THSD4: variants seen among roughly 807,000 people sequenced by gnomAD.
The protein encoded by THSD4 is thrombospondin type 1 domain containing 4, also known as thrombospondin type-1 domain-containing protein 4.
A neutral mutation model predicts 119.0 loss-of-function variants in THSD4; 69 were observed. The observed-to-expected ratio is 0.58, with a 90% CI of 0.48 to 0.71. The LOEUF is 0.71. Ranked by LOEUF, THSD4 falls within the 30% of genes least tolerant of loss-of-function variation. THSD4 has a pLI of 0.00. For missense variants in THSD4, 1,393 were observed against 1,391.1 expected (o/e 1.00, Z -0.02); for synonymous variants, 524 against 540.4 (o/e 0.97, Z 0.42).
intron 7 of THSD4, among the ~76,000 whole-genome samples, chr15:71,471,722 A>G (rs562584370): frequency 2.0e-5 from 3 of 151,430 alleles, no homozygotes; most frequent in South Asian, 2.1e-4. Context: ...TTCCTTATCT[A>G]TCAAGTGGGG....
intron 6 of THSD4, among the ~76,000 whole-genome samples, chr15:71,350,826 G>A (rs2045734464): frequency 1.3e-5 from 2 of 152,158 alleles, no homozygotes; most frequent in Admixed American, 6.5e-5. Flanking sequence ...GTGTGCAAGT[G>A]TATCATTCCA....
intron 6 of THSD4, among the ~76,000 whole-genome samples, chr15:71,342,136 TA>T (rs59764881): frequency 0.093 from 13,817 of 149,288 alleles, 2,085 homozygotes; most frequent in African/African-American, 0.32. Flanking sequence ...CGCTTCTTCA[TA>T]AAAAAAAAAG....
rs145987505 is a variant in THSD4 at position 71,497,574 on chromosome 15, A to C, written c.1152+85751A>C. 5.7e-3 allele frequency among the ~76,000 whole-genome samples: 861 copies of C among 151,948 alleles called. 10 individuals are homozygous for C. Among genetic ancestry groups the C allele is most frequent in the African/African-American group, 0.02 (841 of 41,446 alleles). Reference sequence around the variant, plus strand: ...ATATATATACACATACATATAAATAATATATAAATTTTTAAAATAAATTTA... The same window carrying C: ...ATATATATACACATACATATAAATACTATATAAATTTTTAAAATAAATTTA... On this transcript the variant is annotated intron_variant, in intron 7 of 17. Coordinates refer to ENST00000261862, the MANE Select transcript of THSD4 (RefSeq NM_024817.3).
At position 71,777,491 on chromosome 15, in the gene THSD4, T is replaced by C; in HGVS notation, c.*117T>C. On this transcript the variant is annotated 3_prime_UTR_variant, in exon 18 of 18. Coordinates refer to ENST00000261862, the MANE Select transcript of THSD4 (RefSeq NM_024817.3). ...CCTGGCCCAGGCGCTGCCAACCAAC[T>C]TAGTCACCACCCCTGCCTCCGGTGA... 1 of 1,399,834 alleles carries C rather than the reference T, an allele frequency of 7.1e-7. No individual in the cohort carries two copies. The highest frequency in any genetic ancestry group is 2.5e-5 in the East Asian group (1 of 40,010). 86.7% of individuals were successfully genotyped at this position (1,399,834 alleles called of 1,614,324 possible).
chr15:71,521,188 T>A (rs890693978), intron 7 of THSD4, among the ~76,000 whole-genome samples: 14 of 152,028 alleles, frequency 9.2e-5, no homozygotes, highest in Admixed American at 9.2e-4. Context: ...ACTCAGATAA[T>A]ACTTTCTCTC....
chr15:71,740,823 T>C (rs1282417553), intron 11 of THSD4, among the ~76,000 whole-genome samples: 1 of 152,210 alleles, frequency 6.6e-6, no homozygotes, highest in Non-Finnish European at 1.5e-5. Context: ...CTGCTCGTAC[T>C]CCAAGCTCTG....
intron 7 of THSD4, among the ~76,000 whole-genome samples, chr15:71,511,654 TTTGA>T (rs1195821741): frequency 3.9e-5 from 6 of 152,358 alleles, no homozygotes; most frequent in African/African-American, 1.4e-4. Context: ...TTTAAGTGAC[TTTGA>T]TTAAGTAATC....
intron 10 of THSD4, among the ~76,000 whole-genome samples, chr15:71,734,242 G>A (rs1309370019): frequency 6.6e-6 from 1 of 152,118 alleles, no homozygotes; most frequent in Non-Finnish European, 1.5e-5. Context: ...CCACATAATT[G>A]CCAAAACTTG....
chr15:71,673,909 A>G (rs991509316), intron 8 of THSD4, among the ~76,000 whole-genome samples: 1 of 152,000 alleles, frequency 6.6e-6, no homozygotes, highest in Non-Finnish European at 1.5e-5. Context: ...GGCGCCCACC[A>G]CCACGGCTGG....
At position 71,394,266 on chromosome 15, in the gene THSD4, CTTTTTTTTTTTTT is replaced by C. The variant is rs58372446; in HGVS notation, c.1016-17409_1016-17397del. The stretch of plus-strand genomic sequence containing the variant: ...CACTCTGTTGTCCAAACACATTTGT[CTTTTTTTTTTTTT>C]TTTTTTTTTTTGAGACGGAGTTTTA... On this transcript the variant is annotated intron_variant, in intron 6 of 17. Transcript: ENST00000261862. Among the ~76,000 whole-genome samples the C allele has an allele frequency of 1.3e-3, 116 of 89,694 alleles. 2 individuals carry two copies. The highest frequency in any genetic ancestry group is 4.6e-3 in the African/African-American group (103 of 22,346). The allele number at this position is 89,694 out of a possible 152,430, so 58.8% of individuals were successfully genotyped here. A position where few individuals can be genotyped will look rare whatever the true frequency, so the allele number is the denominator to read the frequency against.
intron 7 of THSD4, among the ~76,000 whole-genome samples, chr15:71,442,579 A>AAATATATAT (rs1195413080): frequency 2.5e-4 from 10 of 39,864 alleles, no homozygotes; most frequent in Admixed American, 6.6e-4. Flanking sequence ...AAAAAAAAAA[A>AAATATATAT]ATATATATAT....
Position 71,613,891 on chromosome 15 carries a change from T to TCTGTCCGA in THSD4, c.1153-46634_1153-46633insCGACTGTC. ...GGGCTTTGTATATCTGTAACTGATA[T>TCTGTCCGA]CTGTCTATGGTCTGAATGGGGGTTT... On this transcript the variant is annotated intron_variant, in intron 7 of 17. Coordinates refer to ENST00000261862, the MANE Select transcript of THSD4 (RefSeq NM_024817.3). 1.3e-5 allele frequency among the ~76,000 whole-genome samples: 2 copies of TCTGTCCGA among 152,320 alleles called. 1 individual carries two copies. The highest frequency in any genetic ancestry group is 4.1e-4 in the South Asian group (2 of 4,824).
chr15:71,763,611 G>A (rs1459553413), intron 15 of THSD4, among the ~76,000 whole-genome samples: 1 of 150,822 alleles, frequency 6.6e-6, no homozygotes, highest in Non-Finnish European at 1.5e-5. Flanking sequence ...GCAGTGGCAC[G>A]ATCTTGGCTC....
intron 3 of THSD4, among the ~76,000 whole-genome samples, chr15:71,182,403 A>G (rs1164793937): frequency 6.6e-6 from 1 of 151,822 alleles, no homozygotes; most frequent in East Asian, 1.9e-4. Context: ...AACCCAAGTT[A>G]TACAGAGTAG....
intron 7 of THSD4, among the ~76,000 whole-genome samples, chr15:71,447,361 C>T (rs969163608): frequency 1.3e-5 from 2 of 151,862 alleles, no homozygotes; most frequent in African/African-American, 2.4e-5. Context: ...CCTCGTGATC[C>T]GCCACCTTGG....
intron 6 of THSD4, among the ~76,000 whole-genome samples, chr15:71,340,999 G>A (rs973530995): frequency 2.0e-5 from 3 of 152,110 alleles, no homozygotes; most frequent in Non-Finnish European, 2.9e-5. Flanking sequence ...AGATGTGCAG[G>A]TAATGGTCTC....
chr15:71,187,742 G>A (rs2043625052), intron 3 of THSD4: 1 of 152,238 alleles, frequency 6.6e-6, no homozygotes, highest in South Asian at 2.1e-4. Context: ...CGAAATAAAA[G>A]CAGCATGTCA....
chr15:71,183,256 C>A (rs1366898594), intron 3 of THSD4: 1 of 151,676 alleles, frequency 6.6e-6, no homozygotes. Flanking sequence ...AATTCACTAC[C>A]ACGAGAATAG....
chr15:71,198,340 G>A (rs185141610), intron 3 of THSD4, among the ~76,000 whole-genome samples: 453 of 152,364 alleles, frequency 3.0e-3, no homozygotes, highest in Non-Finnish European at 3.5e-3. Flanking sequence ...CAACAAGGTT[G>A]TGGTTCCTGA....
Sources: gnomAD v4.1 joint callset for allele counts (sites outside exome capture counted in the v4.1 genomes callset) on GRCh38, gnomAD v4.1.1 for gene constraint, MANE v1.5 for transcripts, NCBI Gene and HGNC (gene_info 2026-07-23, HGNC 2026-07-21) for gene names.